ANKRD6: variants seen among roughly 807,000 people sequenced by gnomAD.
The protein encoded by ANKRD6 is ankyrin repeat domain 6, also known as ankyrin repeat domain-containing protein 6.
Under a neutral mutation model 82.3 loss-of-function variants are expected in ANKRD6, and 56 were observed. That is an observed-to-expected ratio of 0.68 (90% CI 0.55 to 0.85). ANKRD6 has a LOEUF of 0.85. Ranked by LOEUF, ANKRD6 falls within the 40% of genes least tolerant of loss-of-function variation. ANKRD6 has a pLI of 0.00. For missense variants in ANKRD6, 852 were observed against 907.6 expected (o/e 0.94, Z 0.79); for synonymous variants, 347 against 352.1 (o/e 0.99, Z 0.16).
At chr6:89,442,343 G>C (rs192677483) in intron 1 of ANKRD6, among the ~76,000 whole-genome samples, 1 of 152,160 alleles carries the variant, frequency 6.6e-6, no homozygotes, top group East Asian at 2.0e-4. Context: ...CACCAATCAG[G>C]CTGGGTGAGG....
At chr6:89,458,314 C>A (rs1045008466) in intron 1 of ANKRD6, among the ~76,000 whole-genome samples, 6 of 152,084 alleles carry the variant, frequency 3.9e-5, no homozygotes, top group African/African-American at 1.4e-4. Context: ...TTTAGAGGGA[C>A]AGAACTAACA....
intron 1 of ANKRD6, among the ~76,000 whole-genome samples, chr6:89,529,249 CTCT>C (rs1466230929): frequency 1.3e-5 from 2 of 152,244 alleles, no homozygotes; most frequent in Non-Finnish European, 2.9e-5. Flanking sequence ...GCTAGATTTT[CTCT>C]TCTTAGATAA....
intron 2 of ANKRD6, among the ~76,000 whole-genome samples, chr6:89,572,791 C>T (rs1026689754): frequency 3.9e-5 from 6 of 152,146 alleles, no homozygotes; most frequent in Non-Finnish European, 5.9e-5. Flanking sequence ...TCCCATTGAG[C>T]GGTCTTGGTA....
chr6:89,548,018 A>G (rs552367808), intron 1 of ANKRD6, among the ~76,000 whole-genome samples: 17 of 152,318 alleles, frequency 1.1e-4, no homozygotes, highest in African/African-American at 3.8e-4. Context: ...CAATGCCCCA[A>G]CACCTAAATA....
intron 3 of ANKRD6, chr6:89,602,474 T>G (rs1315622258): frequency 6.6e-6 from 1 of 152,476 alleles, no homozygotes; most frequent in Non-Finnish European, 1.5e-5. Context: ...AAATATGCAG[T>G]GATAGCTGCA....
At chr6:89,491,079 A>T (rs1329887917) in intron 1 of ANKRD6, among the ~76,000 whole-genome samples, 1 of 152,122 alleles carries the variant, frequency 6.6e-6, no homozygotes, top group African/African-American at 2.4e-5. Flanking sequence ...TGTTGCAGTC[A>T]TCAGAAGCTG....
At chr6:89,447,428 G>T (rs569674315) in intron 1 of ANKRD6, among the ~76,000 whole-genome samples, 1 of 152,200 alleles carries the variant, frequency 6.6e-6, no homozygotes, top group African/African-American at 2.4e-5. Flanking sequence ...TCTATCAATT[G>T]TGTAAAGGCT....
intron 1 of ANKRD6, among the ~76,000 whole-genome samples, chr6:89,453,424 T>A (rs1386534877): frequency 6.6e-6 from 1 of 152,252 alleles, no homozygotes; most frequent in Non-Finnish European, 1.5e-5. Context: ...TCAAGAGTAG[T>A]TTGAATAGTG....
intron 1 of ANKRD6, among the ~76,000 whole-genome samples, chr6:89,492,559 C>T (rs1778139334): frequency 6.6e-6 from 1 of 152,180 alleles, no homozygotes; most frequent in Non-Finnish European, 1.5e-5. Context: ...TTGCCTTAGC[C>T]ACTTTCTGCA....
At chr6:89,441,490 G>T (rs552193323) in intron 1 of ANKRD6, among the ~76,000 whole-genome samples, 89 of 152,090 alleles carry the variant, frequency 5.9e-4, no homozygotes, top group African/African-American at 2.1e-3. Flanking sequence ...CTTCCAGTTA[G>T]CTTCCTTAGA....
At chr6:89,559,918 A>G (rs1036570480) in intron 1 of ANKRD6, among the ~76,000 whole-genome samples, 1 of 152,206 alleles carries the variant, frequency 6.6e-6, no homozygotes, top group Admixed American at 6.5e-5. Context: ...AGTACCTCAT[A>G]TATTTCTTAC....
intron 1 of ANKRD6, among the ~76,000 whole-genome samples, chr6:89,489,800 C>T (rs946676387): frequency 2.0e-5 from 3 of 152,112 alleles, no homozygotes; most frequent in South Asian, 2.1e-4. Context: ...CTGTGTCTAA[C>T]GGTAATTGGA....
chr6:89,439,001 T>A (rs1228537677), intron 1 of ANKRD6, among the ~76,000 whole-genome samples: 8 of 152,146 alleles, frequency 5.3e-5, no homozygotes, highest in African/African-American at 1.9e-4. Flanking sequence ...TGTTTGTATA[T>A]ATGTATATAC....
At chr6:89,515,608 GC>G (rs1351692669) in intron 1 of ANKRD6, among the ~76,000 whole-genome samples, 4 of 152,152 alleles carry the variant, frequency 2.6e-5, no homozygotes, top group Non-Finnish European at 4.4e-5. Flanking sequence ...ACCTTATGTG[GC>G]CCCCCAAAAT....
intron 1 of ANKRD6, among the ~76,000 whole-genome samples, chr6:89,547,421 AG>A (rs1436388523): frequency 6.6e-6 from 1 of 152,128 alleles, no homozygotes; most frequent in Non-Finnish European, 1.5e-5. Flanking sequence ...CCCATGACTG[AG>A]GACAAAGGGG....
At chr6:89,461,000 A>G (rs906948644) in intron 1 of ANKRD6, among the ~76,000 whole-genome samples, 2 of 149,820 alleles carry the variant, frequency 1.3e-5, no homozygotes, top group African/African-American at 4.9e-5. Flanking sequence ...TCCCGGGTTC[A>G]AGCGATTCTC....
intron 1 of ANKRD6, among the ~76,000 whole-genome samples, chr6:89,533,856 T>C (rs983768693): frequency 1.3e-5 from 2 of 151,850 alleles, no homozygotes; most frequent in Admixed American, 6.6e-5. Context: ...TGGGAGCCAA[T>C]TGGGGAAGCT....
rs186669543 is a variant in ANKRD6, at chr6:89,519,345, A to G, written c.-143-47489A>G. 2.8e-3 allele frequency among the ~76,000 whole-genome samples: 433 copies of G among 152,356 alleles called. 7 individuals carry two copies. Among genetic ancestry groups the G allele is most frequent in the Non-Finnish European group, 8.4e-4 (57 of 68,026 alleles). On this transcript the variant is annotated intron_variant, in intron 1 of 15. Coordinates refer to ENST00000339746, the MANE Select transcript of ANKRD6 (RefSeq NM_001242809.2). ...TGCAGAAGCCCAGCTAAGACACAATACCAGTTGGATTTTGGCCTGGTAGTA... is the reference window on the plus strand; with the variant it reads ...TGCAGAAGCCCAGCTAAGACACAATGCCAGTTGGATTTTGGCCTGGTAGTA...
At chr6:89,570,943 G>C (rs1789729124) in intron 2 of ANKRD6, among the ~76,000 whole-genome samples, 1 of 152,020 alleles carries the variant, frequency 6.6e-6, no homozygotes, top group African/African-American at 2.4e-5. Context: ...TAAAGTTTTG[G>C]GTAACTTCCA....
Sources: allele counts gnomAD v4.1 joint callset (sites outside exome capture counted in the v4.1 genomes callset), GRCh38; gene constraint gnomAD v4.1.1; transcripts MANE v1.5; gene names NCBI Gene and HGNC (gene_info 2026-07-23, HGNC 2026-07-21).